TRAPPC10: variants seen among roughly 807,000 people sequenced by gnomAD.
The protein encoded by TRAPPC10 is TRAPP 130 kDa subunit.
A neutral mutation model predicts 125.5 loss-of-function variants in TRAPPC10; 23 were observed. That is an observed-to-expected ratio of 0.18 (90% CI 0.13 to 0.26). The LOEUF is 0.26. TRAPPC10 is among the 10% of genes least tolerant of loss of function. The pLI, the probability that TRAPPC10 is intolerant of heterozygous loss-of-function variation, is 1.00. For synonymous variants in TRAPPC10, 509 were observed against 518.0 expected, an observed-to-expected ratio of 0.98 and a Z score of 0.24; for missense variants, 1,123 against 1,308.4, an observed-to-expected ratio of 0.86 and a Z score of 2.19.
chr21:44,071,924 C>T (rs2036896816), intron 7 of TRAPPC10, among the ~76,000 whole-genome samples: 1 of 152,122 alleles, frequency 6.6e-6, no homozygotes, highest in South Asian at 2.1e-4. Flanking sequence ...TGTTCCTTGG[C>T]GTGGGTGTGT....
Position 44,052,799 on chromosome 21 carries a change from T to G in TRAPPC10, c.482+323T>G, listed in dbSNP as rs755121831. ...TAGAACGGGTCCTTAAAGGTTTTTG[T>G]TTTTTTTTTGAAATGACGGCACCTG... On this transcript the variant is annotated intron_variant, in intron 4 of 22. Coordinates refer to ENST00000291574, the MANE Select transcript of TRAPPC10 (RefSeq NM_003274.5). 8.7e-5 allele frequency among the ~76,000 whole-genome samples: 13 copies of G among 148,634 alleles called. No homozygotes were observed. The Admixed American group carries it at 8.7e-4, about 10-fold the overall frequency.
At chr21:44,037,457 A>G (rs1419919479) in intron 2 of TRAPPC10, among the ~76,000 whole-genome samples, 4 of 152,210 alleles carry the variant, frequency 2.6e-5, no homozygotes, top group Non-Finnish European at 2.9e-5. Context: ...TTCTTCTTTT[A>G]TGGTGACATA....
intron 7 of TRAPPC10, among the ~76,000 whole-genome samples, chr21:44,064,303 ATGTGTGTGTG>A (rs10526131): frequency 0.039 from 5,723 of 148,282 alleles, 265 homozygotes; most frequent in African/African-American, 0.11. Context: ...TGTCATAAAT[ATGTGTGTGTG>A]TGTGTGTGTG....
intron 1 of TRAPPC10, 104 bp from the exon 2 acceptor site, chr21:44,031,987 T>C: frequency 4.3e-6 from 4 of 919,934 alleles, no homozygotes; most frequent in Non-Finnish European, 1.7e-6. Context: ...ATCGCTTTAC[T>C]AAACATAAAA....
rs114895047 is a variant in TRAPPC10 at position 44,037,623 on chromosome 21, T to G, written c.150-169T>G. 7.6e-4 allele frequency among the ~76,000 whole-genome samples: 116 copies of G among 152,338 alleles called. 1 individual carries two copies. Among genetic ancestry groups the G allele is most frequent in the African/African-American group, 2.7e-3 (113 of 41,584 alleles). ...TTGACCTGTACACGTGAACTGTGTT[T>G]AAAATAATTCCTAGAATGTTTCTGA... On this transcript the variant is annotated intron_variant, in intron 2 of 22. Transcript: ENST00000291574.
chr21:44,066,221 AGAGAATAG>A (rs2036441022), intron 7 of TRAPPC10, among the ~76,000 whole-genome samples: 2 of 152,178 alleles, frequency 1.3e-5, no homozygotes, highest in African/African-American at 4.8e-5. Flanking sequence ...ATTTATTTAA[AGAGAATAG>A]GAGGCAACGA....
intron 1 of TRAPPC10, among the ~76,000 whole-genome samples, chr21:44,023,288 G>C (rs555633676): frequency 4.9e-4 from 74 of 152,138 alleles, no homozygotes; most frequent in African/African-American, 1.7e-3. Context: ...TCCCGCCTCA[G>C]CCTCCCAAAG....
At chr21:44,079,895 TAAAAAAA>T in intron 12 of TRAPPC10, 113 bp from the exon 13 acceptor site, 2 of 893,910 alleles carry the variant, frequency 2.2e-6, no homozygotes, top group Non-Finnish European at 3.2e-6. Flanking sequence ...CCTAGTAACT[TAAAAAAA>T]AAAAGCCCTT....
intron 3 of TRAPPC10, among the ~76,000 whole-genome samples, chr21:44,039,747 C>T (rs2034280574): frequency 6.6e-6 from 1 of 152,176 alleles, no homozygotes; most frequent in South Asian, 2.1e-4. Flanking sequence ...TGCCTGTAAT[C>T]CCAGCTACTC....
chr21:44,012,448 GC>G lies in TRAPPC10; in HGVS notation c.-45del. ...CGGCTGGGCCCGGCGCGGCCTCGGG[GC>G]TGCCCATGGGGCGCGGGGGGCCGGG... On this transcript the variant is annotated 5_prime_UTR_variant, in exon 1 of 23. Transcript: ENST00000291574. 7.5e-7 allele frequency: 1 copy of G among 1,326,128 alleles called. No individual in the cohort carries two copies. Among genetic ancestry groups the G allele is most frequent in the Admixed American group, 2.8e-5 (1 of 35,640 alleles). The allele number at this position is 1,326,128 out of a possible 1,614,324, so 82.1% of individuals were successfully genotyped here.
Position 44,063,401 on chromosome 21 carries a change from C to A in TRAPPC10, c.791-137C>A. ...GCTGGGAGCCGAATGCATCACTAGACCACAGGGGGTGGGCCAGTGTTCATA... is the reference window on the plus strand; with the variant it reads ...GCTGGGAGCCGAATGCATCACTAGAACACAGGGGGTGGGCCAGTGTTCATA... On this transcript the variant is annotated intron_variant, in intron 6 of 22. Transcript: ENST00000291574. The surrounding 1 kb of genome is among the most constrained non-coding windows in gnomAD (Gnocchi z 4.4). 7.4e-7 allele frequency: 1 copy of A among 1,344,574 alleles called. No individual in the cohort carries two copies. Among genetic ancestry groups the A allele is most frequent in the East Asian group, 2.3e-5 (1 of 43,254 alleles). 83.3% of individuals were successfully genotyped at this position (1,344,574 alleles called of 1,614,324 possible). A position where few individuals can be genotyped will look rare whatever the true frequency, so the allele number is the denominator to read the frequency against.
intron 1 of TRAPPC10, among the ~76,000 whole-genome samples, chr21:44,025,743 GGGTTTTC>G (rs1341157139): frequency 1.4e-4 from 21 of 151,956 alleles, no homozygotes; most frequent in African/African-American, 4.4e-4. Context: ...ACTAATGTAT[GGGTTTTC>G]TTTTGACCCC....
chr21:44,061,047 C>T (rs917565839), intron 6 of TRAPPC10, among the ~76,000 whole-genome samples: 3 of 152,126 alleles, frequency 2.0e-5, no homozygotes, highest in African/African-American at 7.2e-5. Context: ...AAGCGATTCT[C>T]TTGCCTCAGC....
At chr21:44,062,810 A>G (rs1281892687) in intron 6 of TRAPPC10, 1 of 985,338 alleles carries the variant, frequency 1.0e-6, no homozygotes. Flanking sequence ...CCATGCCAGG[A>G]TGCCACGTAG....
intron 1 of TRAPPC10, among the ~76,000 whole-genome samples, chr21:44,021,348 A>G (rs570730187): frequency 2.0e-4 from 30 of 152,348 alleles, no homozygotes; most frequent in African/African-American, 7.2e-4. Flanking sequence ...CATTCTGTCA[A>G]GAAGAGATAG....
intron 7 of TRAPPC10, among the ~76,000 whole-genome samples, chr21:44,065,897 C>A (rs1408577199): frequency 6.6e-6 from 1 of 152,226 alleles, no homozygotes; most frequent in Non-Finnish European, 1.5e-5. Flanking sequence ...ATGAGTGTCT[C>A]ACTGTGTCGC....
At position 44,029,523 on chromosome 21, in the gene TRAPPC10, G is replaced by A. The variant is rs144371188; in HGVS notation, c.68-2568G>A. The stretch of plus-strand genomic sequence containing the variant: ...GGTTGTATATGCTGAGAAAATGGTG[G>A]TGATTTTTCTTCACATTGTTAATGC... On this transcript the variant is annotated intron_variant, in intron 1 of 22. Transcript: ENST00000291574. Among the ~76,000 whole-genome samples, 448 of 152,322 alleles carry A rather than the reference G, an allele frequency of 2.9e-3. 5 individuals carry two copies. Among genetic ancestry groups the A allele is most frequent in the African/African-American group, 1.0e-2 (414 of 41,564 alleles).
chr21:44,080,718 T>C (rs1017153216), intron 13 of TRAPPC10, among the ~76,000 whole-genome samples: 1 of 152,024 alleles, frequency 6.6e-6, no homozygotes, highest in South Asian at 2.1e-4. Flanking sequence ...TTTGTATTTT[T>C]AGTAGAGACA....
rs746281004 is a variant in TRAPPC10 at position 44,094,240 on chromosome 21, G to C, written c.3168+7G>C. 1.1e-5 allele frequency: 17 copies of C among 1,571,810 alleles called. No homozygotes were observed. Among genetic ancestry groups the C allele is most frequent in the Non-Finnish European group, 2.6e-6 (3 of 1,165,858 alleles). ...TAAAGTGGAAAATTTTTTTGTAAGT[G>C]ATGTATTATTTTGGGAGGGTGGGGG... On this transcript the variant is annotated splice_region_variant and intron_variant, in intron 20 of 22. Coordinates refer to ENST00000291574, the MANE Select transcript of TRAPPC10 (RefSeq NM_003274.5).
Sources: allele counts gnomAD v4.1 joint callset (sites outside exome capture counted in the v4.1 genomes callset), GRCh38; gene constraint gnomAD v4.1.1; non-coding constraint Gnocchi (gnomAD v3.1); transcripts MANE v1.5; gene names NCBI Gene and HGNC (gene_info 2026-07-23, HGNC 2026-07-21).